The following SIX4 variants were observed in gnomAD, a reference collection of about 807,000 sequenced individuals.
SIX4 encodes the protein SIX homeobox 4.
A neutral mutation model predicts 51.5 loss-of-function variants in SIX4; 23 were observed. The observed-to-expected ratio is 0.45, with a 90% CI of 0.32 to 0.63. The LOEUF is 0.63. SIX4 is among the 30% of genes least tolerant of loss of function. SIX4 has a pLI of 0.04. For missense variants in SIX4, 867 were observed against 984.0 expected, an observed-to-expected ratio of 0.88 and a Z score of 1.59; for synonymous variants, 413 against 417.3, an observed-to-expected ratio of 0.99 and a Z score of 0.13.
chr14:60,723,325 G>A lies in SIX4; in HGVS notation c.750C>T (p.Pro250=), dbSNP rs768826844. 3.1e-6 allele frequency: 5 copies of A among 1,612,792 alleles called. No individual in the cohort carries two copies. The highest frequency in any genetic ancestry group is 4.5e-5 in the East Asian group (2 of 44,778). ...TCTTGGCCAGGTGCCGCTTCTCGGCGGGCGAAGGGTAGCGATTCTGCTTGT... is the reference window on the plus strand; with the variant it reads ...TCTTGGCCAGGTGCCGCTTCTCGGCAGGCGAAGGGTAGCGATTCTGCTTGT... ...ELYKQNRYPS[P]AEKRHLAKIT... is the part of the protein sequence containing the mutation. Residue 250 remains proline, a synonymous_variant, in exon 1 of 3, where the codon CCC becomes CCT. Transcript: ENST00000216513.
In SIX4 at chr14:60,719,460, C is replaced by A. The variant is rs940596315; in HGVS notation, c.1549+300G>T. Among the ~76,000 whole-genome samples the A allele has an allele frequency of 3.9e-5, 6 of 152,196 alleles. No individual in the cohort carries two copies. In the South Asian group the frequency reaches 1.2e-3, roughly 32 times the overall value. On this transcript the variant is annotated intron_variant, in intron 2 of 2. Transcript: ENST00000216513. This position sits in a 1 kb window ranked among gnomAD's most constrained non-coding sequence, Gnocchi z 4.9. ...CAAGCAGTGAGTTATTTTGTAAGCA[C>A]TGATTGACTTATCATATTTCTGTAA...
In SIX4 at chr14:60,722,459, A is replaced by G. The variant is rs1405467827; in HGVS notation, c.863+753T>C. 6.6e-6 allele frequency among the ~76,000 whole-genome samples: 1 copy of G among 152,102 alleles called. No individual in the cohort carries two copies. Among genetic ancestry groups the G allele is most frequent in the Non-Finnish European group, 1.5e-5 (1 of 68,036 alleles). ...GGGCCGAGGGAGGAAGCAGCCCTTC[A>G]GCCCTGCTACCCCGGCTGCGCTGAA... On this transcript the variant is annotated intron_variant, in intron 1 of 2. Coordinates refer to ENST00000216513, the MANE Select transcript of SIX4 (RefSeq NM_017420.5). This position sits in a 1 kb window ranked among gnomAD's most constrained non-coding sequence, Gnocchi z 5.9.
At position 60,723,804 on chromosome 14, in the gene SIX4, G is replaced by T. The variant is rs1485846638; in HGVS notation, c.271C>A (p.Leu91Met). The change falls in exon 1 of 3, where the codon CTG (leucine) becomes ATG (methionine). Residue 91 changes from leucine (L) to methionine (M), a missense_variant. Coordinates refer to ENST00000216513, the MANE Select transcript of SIX4 (RefSeq NM_017420.5). ...GCGGCGGCGTGGTGGTGCCTGCCCAGAAGTTCCGAGTGGAGTTGTACCTGA... is the reference window on the plus strand; with the variant it reads ...GCGGCGGCGTGGTGGTGCCTGCCCATAAGTTCCGAGTGGAGTTGTACCTGA... ...ADQVQLHSEL[L>M]GRHHHAAAAA... 6.5e-7 allele frequency: 1 copy of T among 1,538,054 alleles called. No individual in the cohort carries two copies. The highest frequency in any genetic ancestry group is 2.4e-5 in the East Asian group (1 of 40,998).
Position 60,724,310 on chromosome 14 carries a change from T to G in SIX4, c.-236A>C. 20 of 1,486,744 alleles carry G rather than the reference T, an allele frequency of 1.3e-5. No individual in the cohort carries two copies. In the East Asian group the frequency reaches 1.4e-4, roughly 10 times the overall value. The allele number at this position is 1,486,744 out of a possible 1,614,324, so 92.1% of individuals were successfully genotyped here. ...GTAAACGGATAGCTGCTTTCTGCCG[T>G]TCCCCCAACGTGACTCCTCCGGTTG... On this transcript the variant is annotated 5_prime_UTR_variant, in exon 1 of 3. Coordinates refer to ENST00000216513, the MANE Select transcript of SIX4 (RefSeq NM_017420.5).
rs536051210 is a variant in SIX4 at position 60,723,814 on chromosome 14, G to A, written c.261C>T (p.His87=). ...AGAAADQVQL[H]SELLGRHHHA... ...GGTGGTGCCTGCCCAGAAGTTCCGA[G>A]TGGAGTTGTACCTGATCCGCCGCCG... Residue 87 remains histidine (H), a synonymous_variant, in exon 1 of 3, where the codon CAC becomes CAT. Transcript: ENST00000216513. The A allele has an allele frequency of 8.4e-6, 13 of 1,539,424 alleles. No individual in the cohort carries two copies. The Admixed American group carries it at 1.6e-4, about 19-fold the overall frequency.
intron 2 of SIX4, among the ~76,000 whole-genome samples, chr14:60,715,878 C>CTT (rs869131693): frequency 4.9e-5 from 7 of 142,946 alleles, no homozygotes; most frequent in Non-Finnish European, 7.7e-5. Flanking sequence ...TCAGTCAACT[C>CTT]TTTTTTTTTT....
In SIX4 at chr14:60,712,134, A is replaced by G. The variant is rs1381075204; in HGVS notation, c.*1273T>C. The G allele has an allele frequency of 1.3e-5, 2 of 152,672 alleles. No homozygotes were observed. Among genetic ancestry groups the G allele is most frequent in the Non-Finnish European group, 2.9e-5 (2 of 68,036 alleles). 9.5% of individuals were successfully genotyped at this position (152,672 alleles called of 1,614,324 possible). A position where few individuals can be genotyped will look rare whatever the true frequency, so the allele number is the denominator to read the frequency against. ...TCAACAGGACAGAATTTTGCTCAATAGAATTTACATATTTTCTTTCCTTTA... is the reference window on the plus strand; with the variant it reads ...TCAACAGGACAGAATTTTGCTCAATGGAATTTACATATTTTCTTTCCTTTA... On this transcript the variant is annotated 3_prime_UTR_variant, in exon 3 of 3. Transcript: ENST00000216513.
chr14:60,716,251 T>A (rs1895918773), intron 2 of SIX4, among the ~76,000 whole-genome samples: 2 of 150,184 alleles, frequency 1.3e-5, no homozygotes, highest in South Asian at 2.1e-4. Context: ...CCAGCTAATT[T>A]AAAAAAAAAA....
intron 2 of SIX4, among the ~76,000 whole-genome samples, chr14:60,715,052 G>A (rs527803515): frequency 6.6e-6 from 1 of 151,956 alleles, no homozygotes; most frequent in East Asian, 1.9e-4. Flanking sequence ...TAATGGTGGG[G>A]ACTGGGCTTC....
chr14:60,714,451 A>G (rs187296880), intron 2 of SIX4, among the ~76,000 whole-genome samples: 1 of 152,190 alleles, frequency 6.6e-6, no homozygotes, highest in East Asian at 1.9e-4. Flanking sequence ...AAATATATAT[A>G]TAGATATATT....
chr14:60,720,991 C>T lies in SIX4; in HGVS notation c.864-546G>A, dbSNP rs1896009167. The T allele has an allele frequency of 1.0e-6, 1 of 986,214 alleles. No individual in the cohort carries two copies. The highest frequency in any genetic ancestry group is 1.2e-6 in the Non-Finnish European group (1 of 830,660). 61.1% of individuals were successfully genotyped at this position (986,214 alleles called of 1,614,324 possible). On this transcript the variant is annotated intron_variant, in intron 1 of 2. Transcript: ENST00000216513. This position sits in a 1 kb window ranked among gnomAD's most constrained non-coding sequence, Gnocchi z 5.5. Reference sequence around the variant, plus strand: ...GATCGTTTTCTCACCTGCTCCCAAACTTCTACTCCACCAGACTGACAACTC... The same window carrying T: ...GATCGTTTTCTCACCTGCTCCCAAATTTCTACTCCACCAGACTGACAACTC...
At position 60,723,200 on chromosome 14, in the gene SIX4, G is replaced by A. The variant is rs199759443; in HGVS notation, c.863+12C>T. 4 of 1,593,550 alleles carry A rather than the reference G, an allele frequency of 2.5e-6. No individual in the cohort carries two copies. Among genetic ancestry groups the A allele is most frequent in the East Asian group, 2.2e-5 (1 of 44,472 alleles). ...GAGAGGAAGGGGGAGGAGGAGGAAAGTTGGCGCTCACCTTTTGGACTGGGT... is the reference window on the plus strand; with the variant it reads ...GAGAGGAAGGGGGAGGAGGAGGAAAATTGGCGCTCACCTTTTGGACTGGGT... On this transcript the variant is annotated intron_variant, in intron 1 of 2. Transcript: ENST00000216513.
chr14:60,713,428 A>C lies in SIX4; in HGVS notation c.2325T>G (p.Asp775Glu), dbSNP rs1044186320. The part of the protein sequence containing the change: ...ELAKLQTVQL[D>E]EDMQDL ...AAGTTCATAAGTCTTGCATATCTTC[A>C]TCCAGCTGGACAGTCTGGAGCTTGG... Residue 775 changes from aspartate (D) to glutamate (E), a missense_variant, in exon 3 of 3, where the codon GAT becomes GAG. Physicochemically the swap from Asp to Glu is conservative, Grantham distance 45. Transcript: ENST00000216513. 5.0e-6 allele frequency: 8 copies of C among 1,601,228 alleles called. No homozygotes were observed. The East Asian group carries it at 1.1e-4, about 22-fold the overall frequency.
At chr14:60,716,629 C>T (rs1438821757) in intron 2 of SIX4, among the ~76,000 whole-genome samples, 4 of 151,964 alleles carry the variant, frequency 2.6e-5, no homozygotes, top group Non-Finnish European at 5.9e-5. Context: ...CTCAAGTGAT[C>T]CTCCTGCCTC....
In SIX4 at chr14:60,723,618, C is replaced by A; in HGVS notation, c.457G>T (p.Ala153Ser). Residue 153 changes from alanine to serine, a missense_variant, in exon 1 of 3, where the codon GCG (alanine) becomes TCG (serine). Ala to Ser is a moderately conservative substitution (Grantham distance 99). Transcript: ENST00000216513. ...RGNESLLKARALVAFHQGIYP... is the reference protein window; with the variant it reads ...RGNESLLKARSLVAFHQGIYP... ...ATGCCCTGGTGGAAGGCCACGAGCG[C>A]CCGCGCCTTCAGCAGGCTCTCGTTG... is the stretch of plus-strand genomic sequence containing the variant. The A allele has an allele frequency of 1.2e-6, 2 of 1,608,150 alleles. No individual in the cohort carries two copies. Among genetic ancestry groups the A allele is most frequent in the Non-Finnish European group, 1.7e-6 (2 of 1,177,868 alleles).
chr14:60,721,726 G>A (rs1468758684), intron 1 of SIX4, among the ~76,000 whole-genome samples: 1 of 152,216 alleles, frequency 6.6e-6, no homozygotes, highest in Non-Finnish European at 1.5e-5. Flanking sequence ...CGGAGCAGCT[G>A]GCCTGCTCGC....
Position 60,714,298 on chromosome 14 carries a change from A to G in SIX4, c.1550-95T>C, listed in dbSNP as rs1895878925. 3 of 1,064,330 alleles carry G rather than the reference A, an allele frequency of 2.8e-6. No homozygotes were observed. In the South Asian group the frequency reaches 5.3e-5, roughly 19 times the overall value. 65.9% of individuals were successfully genotyped at this position (1,064,330 alleles called of 1,614,324 possible). ...TTTTTTCTCAGGTACAGTATCTATA[A>G]AGAAGCAACACTTCCATACAATCAT... On this transcript the variant is annotated intron_variant, in intron 2 of 2. Coordinates refer to ENST00000216513, the MANE Select transcript of SIX4 (RefSeq NM_017420.5).
Position 60,723,259 on chromosome 14 carries a change from C to T in SIX4, c.816G>A (p.Lys272=). The T allele has an allele frequency of 2.5e-6, 4 of 1,611,944 alleles. No individual in the cohort carries two copies. The highest frequency in any genetic ancestry group is 3.4e-6 in the Non-Finnish European group (4 of 1,179,112). Residue 272 remains lysine (K), a synonymous_variant, in exon 1 of 3, where the codon AAG becomes AAA. Transcript: ENST00000216513. ...GGTTCCTGTCGCGCTGCCGGCGGTTCTTGAACCAGTTGCTGACCTGGGTGA... is the reference window on the plus strand; with the variant it reads ...GGTTCCTGTCGCGCTGCCGGCGGTTTTTGAACCAGTTGCTGACCTGGGTGA... ...LSLTQVSNWF[K]NRRQRDRNPS...
In SIX4 at chr14:60,713,681, GTA is replaced by G; in HGVS notation, c.2070_2071del (p.Thr691SerfsTer2). The G allele has an allele frequency of 6.2e-7, 1 of 1,614,234 alleles. No homozygotes were observed. The highest frequency in any genetic ancestry group is 8.5e-7 in the Non-Finnish European group (1 of 1,180,048). ...GGGGTGACCTACCTGATCTTCAGCTGTAGGAACTATTTCCCCAAGGGCAGCCT... is the reference window on the plus strand; with the variant it reads ...GGGGTGACCTACCTGATCTTCAGCTGGGAACTATTTCCCCAAGGGCAGCCT... On this transcript the variant is annotated frameshift_variant, in exon 3 of 3. Transcript: ENST00000216513. LOFTEE classifies it high-confidence loss of function.
Sources: allele counts gnomAD v4.1 joint callset (sites outside exome capture counted in the v4.1 genomes callset), GRCh38; gene constraint gnomAD v4.1.1; non-coding constraint Gnocchi (gnomAD v3.1); transcripts MANE v1.5; gene names NCBI Gene and HGNC (gene_info 2026-07-23, HGNC 2026-07-21).